Variants in CEMIP observed in about 807,000 individuals in gnomAD.
The protein encoded by CEMIP is cell migration-inducing and hyaluronan-binding protein.
A neutral mutation model predicts 156.9 loss-of-function variants in CEMIP; 105 were observed. The observed-to-expected ratio is 0.67, with a 90% CI of 0.57 to 0.79. The LOEUF is 0.79. Among genes scored for constraint, CEMIP ranks in the 30% least tolerant of loss-of-function variants. CEMIP has a pLI of 0.00. For missense variants in CEMIP, 1,457 were observed against 1,769.4 expected (o/e 0.82, Z 3.17); for synonymous variants, 676 against 668.4 (o/e 1.01, Z -0.17).
intron 6 of CEMIP, among the ~76,000 whole-genome samples, chr15:80,882,516 A>G (rs1385909302): frequency 6.6e-6 from 1 of 152,204 alleles, no homozygotes; most frequent in Admixed American, 6.5e-5. Context: ...TGTCCTCTTC[A>G]ATTGTGTGCT....
intron 1 of CEMIP, among the ~76,000 whole-genome samples, chr15:80,838,655 G>A (rs535944539): frequency 2.2e-4 from 34 of 152,156 alleles, no homozygotes; most frequent in South Asian, 2.1e-4. Flanking sequence ...AAAACCCCCC[G>A]TGTGATTTGT....
chr15:80,847,553 G>A (rs1897593669), intron 1 of CEMIP, among the ~76,000 whole-genome samples: 1 of 152,178 alleles, frequency 6.6e-6, no homozygotes, highest in Admixed American at 6.5e-5. Flanking sequence ...TACCACCTGG[G>A]AGTAGGACCC....
At chr15:80,938,224 C>CA in intron 25 of CEMIP, 3 of 461,028 alleles carry the variant, frequency 6.5e-6, no homozygotes, top group East Asian at 4.0e-5. Context: ...TTACATATTT[C>CA]AGAAAAAAAA....
intron 18 of CEMIP, among the ~76,000 whole-genome samples, chr15:80,924,959 C>G (rs995330835): frequency 7.2e-5 from 11 of 152,176 alleles, no homozygotes; most frequent in Non-Finnish European, 1.6e-4. Context: ...AAGTGAATAG[C>G]TGGTAAGTCA....
At chr15:80,879,573 C>T in intron 4 of CEMIP, 143 bp from the exon 5 acceptor site, 1 of 967,766 alleles carries the variant, frequency 1.0e-6, no homozygotes, top group Non-Finnish European at 1.6e-6. Context: ...TGTAAGTACA[C>T]CAAGCATAGG....
chr15:80,898,677 T>C (rs370882261), intron 12 of CEMIP, among the ~76,000 whole-genome samples: 28 of 152,274 alleles, frequency 1.8e-4, no homozygotes, highest in African/African-American at 6.7e-4. Flanking sequence ...CCTCCCAAAG[T>C]GCCAGGATTA....
Position 80,888,800 on chromosome 15 carries a change from A to C in CEMIP, c.964+4A>C. On this transcript the variant is annotated splice_donor_region_variant and intron_variant, in intron 9 of 29. Coordinates refer to ENST00000394685, the MANE Select transcript of CEMIP (RefSeq NM_001293298.2). ...TTGTCCAGTGAGTGGGTTCAAGGTG[A>C]GGAGTTTCAGACAATTTGGTGACAC... 1 of 1,612,296 alleles carries C rather than the reference A, an allele frequency of 6.2e-7. No homozygotes were observed. The highest frequency in any genetic ancestry group is 8.5e-7 in the Non-Finnish European group (1 of 1,178,306).
chr15:80,945,836 T>G (rs768489841), intron 28 of CEMIP, among the ~76,000 whole-genome samples: 1 of 152,214 alleles, frequency 6.6e-6, no homozygotes, highest in Non-Finnish European at 1.5e-5. Context: ...GTGTGCTGAG[T>G]CTGCCACTGT....
Position 80,901,639 on chromosome 15 carries a change from T to C in CEMIP, c.1412-5024T>C, listed in dbSNP as rs1340120296. Among the ~76,000 whole-genome samples the C allele has an allele frequency of 3.3e-5, 5 of 151,214 alleles. No individual in the cohort carries two copies. The East Asian group carries it at 9.7e-4, about 29-fold the overall frequency. On this transcript the variant is annotated intron_variant, in intron 12 of 29. Transcript: ENST00000394685. ...ATCGCTTGAACCTTGGAGGTGGAGG[T>C]TGCAGTGAGCCGAGATCGCACCATT...
chr15:80,836,622 G>GGTTTTCTGCCTCCTT (rs1383796925), intron 1 of CEMIP, among the ~76,000 whole-genome samples: 3 of 151,742 alleles, frequency 2.0e-5, no homozygotes, highest in Middle Eastern at 3.4e-3. Context: ...TTTCCTCCTG[G>GGTTTTCTGCCTCCTT]ATTTTCTGCC....
At position 80,874,115 on chromosome 15, in the gene CEMIP, A is replaced by G. The variant is rs113902537; in HGVS notation, c.94+142A>G. 1.9e-4 allele frequency: 143 copies of G among 752,286 alleles called. No individual in the cohort carries two copies. In the Middle Eastern group the frequency reaches 2.0e-3, roughly 11 times the overall value. The allele number at this position is 752,286 out of a possible 1,614,324, so 46.6% of individuals were successfully genotyped here. A position where few individuals can be genotyped will look rare whatever the true frequency, so the allele number is the denominator to read the frequency against. ...GCCTGGGCCTTGGCCCGACCTTACT[A>G]AACTCCTTGGTCCCCGGCACGTTTC... On this transcript the variant is annotated intron_variant, in intron 3 of 29. Coordinates refer to ENST00000394685, the MANE Select transcript of CEMIP (RefSeq NM_001293298.2).
At chr15:80,821,308 A>C (rs1368202931) in intron 1 of CEMIP, among the ~76,000 whole-genome samples, 2 of 152,226 alleles carry the variant, frequency 1.3e-5, no homozygotes, top group African/African-American at 4.8e-5. Context: ...CAGTGCTGTC[A>C]GTGACCAGAA....
intron 1 of CEMIP, among the ~76,000 whole-genome samples, chr15:80,842,322 C>A (rs993668637): frequency 1.2e-4 from 18 of 152,130 alleles, no homozygotes; most frequent in African/African-American, 4.3e-4. Context: ...GACCTTTACT[C>A]TGGTCTTCTG....
intron 4 of CEMIP, 38 bp downstream of exon 4, chr15:80,878,905 A>G: frequency 1.2e-6 from 2 of 1,613,030 alleles, no homozygotes; most frequent in African/African-American, 1.3e-5. Context: ...TCTTCCCTCC[A>G]CTGCCCCAGA....
At chr15:80,846,026 C>T (rs1055648798) in intron 1 of CEMIP, among the ~76,000 whole-genome samples, 1 of 152,196 alleles carries the variant, frequency 6.6e-6, no homozygotes, top group Non-Finnish European at 1.5e-5. Context: ...ACATCACTTC[C>T]AGGCTGAGGG....
intron 22 of CEMIP, 99 bp from the exon 23 acceptor site, chr15:80,933,146 G>C: frequency 6.6e-6 from 7 of 1,063,466 alleles, no homozygotes; most frequent in Non-Finnish European, 1.0e-5. Context: ...TGGCTGGCTT[G>C]TAACGTCAGT....
At chr15:80,914,030 G>A (rs1026892167) in intron 14 of CEMIP, among the ~76,000 whole-genome samples, 1 of 152,218 alleles carries the variant, frequency 6.6e-6, no homozygotes. Flanking sequence ...AAATGCAATG[G>A]TTAGCACCAA....
intron 14 of CEMIP, among the ~76,000 whole-genome samples, chr15:80,913,483 G>C (rs1449510056): frequency 3.4e-5 from 4 of 116,840 alleles, no homozygotes; most frequent in African/African-American, 6.9e-5. Context: ...AAAGAGCATA[G>C]AGTCACAGAG....
At chr15:80,936,548 T>A in intron 23 of CEMIP, 126 bp from the exon 24 acceptor site, 1 of 862,430 alleles carries the variant, frequency 1.2e-6, no homozygotes, top group Non-Finnish European at 2.0e-6. Flanking sequence ...TCAAGCCTTC[T>A]AAAAAGGGTT....
Sources: gnomAD v4.1 joint callset for allele counts (sites outside exome capture counted in the v4.1 genomes callset) on GRCh38, gnomAD v4.1.1 for gene constraint, MANE v1.5 for transcripts, NCBI Gene and HGNC (gene_info 2026-07-23, HGNC 2026-07-21) for gene names.